The following CSMD1 variants were observed in gnomAD, a reference collection of about 807,000 sequenced individuals.
CSMD1 encodes the protein CUB and Sushi multiple domains 1, also known as CUB and sushi domain-containing protein 1.
CSMD1 carries 213 observed loss-of-function variants against 417.5 expected under a neutral mutation model. The ratio of observed to expected loss-of-function variants is 0.51; its 90% CI spans 0.46 to 0.57. The LOEUF is 0.57. Ranked by LOEUF, CSMD1 falls within the 20% of genes least tolerant of loss-of-function variation. The pLI is 0.00. For synonymous variants in CSMD1, 2,862 were observed against 1,736.8 expected, an observed-to-expected ratio of 1.65 and a Z score of -16.11; for missense variants, 6,923 against 4,529.7, an observed-to-expected ratio of 1.53 and a Z score of -15.17.
chr8:3,999,874 A>T (rs1439498257), intron 4 of CSMD1, among the ~76,000 whole-genome samples: 1 of 152,182 alleles, frequency 6.6e-6, no homozygotes, highest in East Asian at 1.9e-4. Context: ...CGTTGTGGAA[A>T]GGGCTGCCCA....
At chr8:3,107,375 C>T (rs1392824421) in intron 45 of CSMD1, among the ~76,000 whole-genome samples, 1 of 152,086 alleles carries the variant, frequency 6.6e-6, no homozygotes, top group Admixed American at 6.6e-5. Flanking sequence ...AATGTGTCCC[C>T]CTAACTGAAA....
chr8:3,142,879 T>G (rs1333304623), intron 40 of CSMD1, among the ~76,000 whole-genome samples: 2 of 152,218 alleles, frequency 1.3e-5, no homozygotes, highest in Non-Finnish European at 2.9e-5. Context: ...GCATGGTCTT[T>G]TTCCATGACA....
chr8:2,980,525 G>T (rs1766744835), intron 54 of CSMD1, among the ~76,000 whole-genome samples: 1 of 149,776 alleles, frequency 6.7e-6, no homozygotes, highest in Admixed American at 6.7e-5. Flanking sequence ...CTTCTCTTTG[G>T]CCCAGCCTCT....
intron 10 of CSMD1, among the ~76,000 whole-genome samples, chr8:3,515,548 G>A (rs901011004): frequency 4.6e-5 from 7 of 152,170 alleles, no homozygotes; most frequent in African/African-American, 1.4e-4. Flanking sequence ...TGAGAAAGCA[G>A]GACATGCTCT....
At chr8:4,209,828 A>G (rs1431695460) in intron 3 of CSMD1, among the ~76,000 whole-genome samples, 5 of 152,166 alleles carry the variant, frequency 3.3e-5, no homozygotes, top group African/African-American at 9.7e-5. Context: ...TCCACTTTCA[A>G]TTACATGCAA....
intron 5 of CSMD1, among the ~76,000 whole-genome samples, chr8:3,812,827 T>G (rs1334154186): frequency 1.3e-5 from 2 of 152,178 alleles, no homozygotes; most frequent in African/African-American, 4.8e-5. Context: ...TGCTAGGAGT[T>G]TTGAAACATT....
At chr8:3,283,513 A>C (rs769990488) in intron 26 of CSMD1, among the ~76,000 whole-genome samples, 2 of 149,672 alleles carry the variant, frequency 1.3e-5, no homozygotes, top group Non-Finnish European at 3.0e-5. Flanking sequence ...CCTAAAACAA[A>C]ATTTTCCTTT....
intron 19 of CSMD1, among the ~76,000 whole-genome samples, chr8:3,368,747 C>T (rs1242012048): frequency 6.6e-6 from 1 of 152,190 alleles, no homozygotes; most frequent in African/African-American, 2.4e-5. Context: ...TGCAAAATAT[C>T]CTGATCTTCA....
intron 5 of CSMD1, among the ~76,000 whole-genome samples, chr8:3,914,291 G>A (rs897518438): frequency 3.3e-5 from 5 of 151,952 alleles, no homozygotes; most frequent in African/African-American, 9.7e-5. Context: ...AAGGGTCACA[G>A]GTAGCTCATG....
chr8:4,028,439 T>G (rs946709246), intron 4 of CSMD1, among the ~76,000 whole-genome samples: 12 of 151,990 alleles, frequency 7.9e-5, no homozygotes, highest in Non-Finnish European at 1.3e-4. Context: ...GTCATCGCCG[T>G]CATATGCCAT....
intron 1 of CSMD1, among the ~76,000 whole-genome samples, chr8:4,843,169 G>T (rs899766351): frequency 2.0e-5 from 3 of 152,118 alleles, no homozygotes; most frequent in Admixed American, 2.0e-4. Context: ...TTCTTCCTGG[G>T]CAGGAACATT....
intron 7 of CSMD1, among the ~76,000 whole-genome samples, chr8:3,668,969 G>A (rs1462106349): frequency 6.6e-6 from 1 of 152,140 alleles, no homozygotes; most frequent in East Asian, 1.9e-4. Flanking sequence ...AGAAATCATT[G>A]AGCAACCAGG....
At chr8:4,184,448 C>G (rs950610930) in intron 3 of CSMD1, among the ~76,000 whole-genome samples, 1 of 152,098 alleles carries the variant, frequency 6.6e-6, no homozygotes, top group South Asian at 2.1e-4. Flanking sequence ...ATATCAAAGG[C>G]ATGAAATCAA....
intron 3 of CSMD1, 38 bp from the exon 4 acceptor site, chr8:4,032,137 A>G: frequency 1.3e-6 from 2 of 1,525,318 alleles, no homozygotes; most frequent in Non-Finnish European, 1.8e-6. Flanking sequence ...AAAACAAGTT[A>G]AATTTTCCAT....
chr8:4,704,505 C>T (rs929340342), intron 1 of CSMD1, among the ~76,000 whole-genome samples: 3 of 152,178 alleles, frequency 2.0e-5, no homozygotes, highest in Non-Finnish European at 4.4e-5. Flanking sequence ...ACTATTTTCT[C>T]CCTTCCTAAT....
intron 3 of CSMD1, among the ~76,000 whole-genome samples, chr8:4,188,698 G>A (rs994526525): frequency 1.3e-5 from 2 of 152,078 alleles, no homozygotes; most frequent in Admixed American, 6.6e-5. Flanking sequence ...TAAAAAAGAG[G>A]AAGTGTAAAT....
intron 1 of CSMD1, among the ~76,000 whole-genome samples, chr8:4,905,778 C>T (rs1217412931): frequency 2.0e-5 from 3 of 147,960 alleles, no homozygotes; most frequent in Admixed American, 6.8e-5. Flanking sequence ...CGAGATTGTG[C>T]CACTGCACTC....
chr8:3,936,324 G>C (rs143422274), intron 5 of CSMD1, among the ~76,000 whole-genome samples: 32 of 152,294 alleles, frequency 2.1e-4, no homozygotes, highest in African/African-American at 7.2e-4. Context: ...CAGATATTGA[G>C]TGTAAACAAA....
At chr8:4,450,744 A>T (rs1251284835) in intron 2 of CSMD1, among the ~76,000 whole-genome samples, 3 of 152,196 alleles carry the variant, frequency 2.0e-5, no homozygotes, top group Non-Finnish European at 4.4e-5. Context: ...AATAGCAACA[A>T]AACAGCGGTC....
Sources: allele counts gnomAD v4.1 joint callset (sites outside exome capture counted in the v4.1 genomes callset), GRCh38; gene constraint gnomAD v4.1.1; transcripts MANE v1.5; gene names NCBI Gene and HGNC (gene_info 2026-07-23, HGNC 2026-07-21).